Variants in PELI3 observed in about 807,000 individuals in gnomAD.
PELI3 encodes the protein pellino E3 ubiquitin protein ligase family member 3.
In PELI3, 19 loss-of-function variants were observed where a neutral mutation model predicts 35.5. The ratio of observed to expected loss-of-function variants is 0.54; its 90% CI spans 0.37 to 0.79. The LOEUF (loss-of-function observed/expected upper bound fraction) is 0.79. Among genes scored for constraint, PELI3 ranks in the 30% least tolerant of loss-of-function variants. The probability of loss-of-function intolerance (pLI) is 0.00; values close to 1 mark genes in which losing one functional copy is unlikely to be tolerated. For missense variants in PELI3, 490 were observed against 661.2 expected (o/e 0.74, Z 2.84); for synonymous variants, 262 against 279.2 (o/e 0.94, Z 0.62).
chr11:66,474,269 A>G, intron 7 of PELI3: 1 of 592,880 alleles, frequency 1.7e-6, no homozygotes, highest in South Asian at 2.1e-5. Context: ...CACTTGGCCC[A>G]TGTGTGAGCA....
In PELI3 at chr11:66,473,688, T is replaced by G; in HGVS notation, c.652-49T>G. On this transcript the variant is annotated intron_variant, in intron 6 of 7. Coordinates refer to ENST00000320740, the MANE Select transcript of PELI3 (RefSeq NM_145065.3). This position sits in a 1 kb window ranked among gnomAD's most constrained non-coding sequence, Gnocchi z 5.8. Reference sequence around the variant, plus strand: ...GGGGCAGTGCCTCTGGCACATGGCCTGCTGGGGGGCCCCTGGGGGATGTGA... The same window carrying G: ...GGGGCAGTGCCTCTGGCACATGGCCGGCTGGGGGGCCCCTGGGGGATGTGA... 1 of 1,601,166 alleles carries G rather than the reference T, an allele frequency of 6.2e-7. No homozygotes were observed. The highest frequency in any genetic ancestry group is 8.5e-7 in the Non-Finnish European group (1 of 1,176,394).
rs755204247 is a variant in PELI3, at chr11:66,468,275, C to T, written c.147C>T (p.Val49=). The change falls in exon 2 of 8, where the codon GTC becomes GTT. Residue 49 remains valine (V), a synonymous_variant. Coordinates refer to ENST00000320740, the MANE Select transcript of PELI3 (RefSeq NM_145065.3). ...CCATCAAGTATGGTGAACTCATCGT[C>T]CTGGGGTGAGCATCCCTGGCCTAGA... ...EEPIKYGELI[V]LGCCEEGGEE... is the part of the protein sequence containing the mutation. 3 of 1,509,492 alleles carry T rather than the reference C, an allele frequency of 2.0e-6. No homozygotes were observed. The highest frequency in any genetic ancestry group is 4.1e-5 in the Admixed American group (2 of 48,502). 93.5% of individuals were successfully genotyped at this position (1,509,492 alleles called of 1,614,324 possible). A position where few individuals can be genotyped will look rare whatever the true frequency, so the allele number is the denominator to read the frequency against.
intron 2 of PELI3, 136 bp from the exon 3 acceptor site, chr11:66,468,697 A>G (rs1854618037): frequency 1.7e-6 from 1 of 577,168 alleles, no homozygotes. Flanking sequence ...CCTTCCTCAG[A>G]GGGTTGTTGG....
intron 3 of PELI3, among the ~76,000 whole-genome samples, chr11:66,470,984 A>G (rs1223527093): frequency 2.0e-5 from 3 of 152,196 alleles, no homozygotes; most frequent in South Asian, 4.1e-4. Context: ...CCATCCAGGC[A>G]TGGCTCAAGT....
Position 66,476,168 on chromosome 11 carries a change from G to C in PELI3, c.*1G>C, listed in dbSNP as rs1854913610. 8 of 1,539,666 alleles carry C rather than the reference G, an allele frequency of 5.2e-6. No individual in the cohort carries two copies. Among genetic ancestry groups the C allele is most frequent in the Non-Finnish European group, 7.0e-6 (8 of 1,148,328 alleles). The stretch of plus-strand genomic sequence containing the variant: ...CATTTTCCAGGGCCCGCTGGATTAG[G>C]CTCCCTGGGGCCCCCTGCTGCTGTG... On this transcript the variant is annotated 3_prime_UTR_variant, in exon 8 of 8. Transcript: ENST00000320740.
intron 3 of PELI3, among the ~76,000 whole-genome samples, chr11:66,469,791 G>T (rs1355950481): frequency 1.4e-4 from 17 of 124,576 alleles, no homozygotes; most frequent in East Asian, 9.6e-4. Flanking sequence ...CAGGGAATCT[G>T]TTTTTTTTTT....
At position 66,468,827 on chromosome 11, in the gene PELI3, A is replaced by C. The variant is rs1352353431; in HGVS notation, c.153-6A>C. 1.3e-6 allele frequency: 1 copy of C among 779,990 alleles called. No homozygotes were observed. Among genetic ancestry groups the C allele is most frequent in the South Asian group, 1.3e-5 (1 of 74,526 alleles). The allele number at this position is 779,990 out of a possible 1,614,324, so 48.3% of individuals were successfully genotyped here. ...TGGACATTATTTCATTTCAATCTTC[A>C]CAAAGATGCTGTGAGGAAGGAGGTG... is the stretch of plus-strand genomic sequence containing the variant. On this transcript the variant is annotated splice_polypyrimidine_tract_variant and splice_region_variant and intron_variant, in intron 2 of 7. Transcript: ENST00000320740.
chr11:66,473,248 G>A lies in PELI3; in HGVS notation c.464G>A (p.Arg155His), dbSNP rs1161706622. ...DSDTDMFQIG[R>H]STENMIDFVV... ...CTCTCCCTGTCCTCACAGATTGGCC[G>A]CTCCACAGAGAACATGATTGACTTC... The change falls in exon 6 of 8, where the codon CGC (arginine) becomes CAC (histidine). Residue 155 changes from arginine (R) to histidine (H), a missense_variant. Transcript: ENST00000320740. This position sits in a 1 kb window ranked among gnomAD's most constrained non-coding sequence, Gnocchi z 5.8. 2.5e-6 allele frequency: 4 copies of A among 1,608,526 alleles called. No homozygotes were observed. Among genetic ancestry groups the A allele is most frequent in the Non-Finnish European group, 3.4e-6 (4 of 1,177,098 alleles).
Position 66,475,742 on chromosome 11 carries a change from C to T in PELI3, c.985C>T (p.Arg329Trp), listed in dbSNP as rs1406231473. 7.4e-6 allele frequency: 12 copies of T among 1,611,236 alleles called. No individual in the cohort carries two copies. The highest frequency in any genetic ancestry group is 2.7e-5 in the African/African-American group (2 of 74,914). ...CCAGCGGCAGGAGGCAAATGCAGCG[C>T]GGCCCCAGTGCCCCGTGGGCCTCAG... is the stretch of plus-strand genomic sequence containing the variant. Reference protein sequence around the residue: ...EAQRQEANAARPQCPVGLSTL... With the variant: ...EAQRQEANAAWPQCPVGLSTL... Residue 329 changes from arginine (R) to tryptophan (W), a missense_variant, in exon 8 of 8, where the codon CGG becomes TGG. Arg to Trp is a moderately radical substitution (Grantham distance 101, BLOSUM62 -3). Transcript: ENST00000320740.
In PELI3 at chr11:66,468,176, C is replaced by A. The variant is rs1469600861; in HGVS notation, c.48C>A (p.Asp16Glu). The change falls in exon 2 of 8, where the codon GAC becomes GAA. Residue 16 changes from aspartate to glutamate, a missense_variant. Asp to Glu is a conservative substitution (Grantham distance 45). Coordinates refer to ENST00000320740, the MANE Select transcript of PELI3 (RefSeq NM_145065.3). ...NPEVGSPRTS[D>E]LQHRGNKGSC... ...AAGTGGGGTCCCCCCGAACCTCAGACCTCCAGCACCGGGGGAACAAGGGCT... is the reference window on the plus strand; with the variant it reads ...AAGTGGGGTCCCCCCGAACCTCAGAACTCCAGCACCGGGGGAACAAGGGCT... The A allele has an allele frequency of 6.2e-7, 1 of 1,608,544 alleles. No homozygotes were observed. Among genetic ancestry groups the A allele is most frequent in the Non-Finnish European group, 8.5e-7 (1 of 1,177,108 alleles).
chr11:66,475,309 T>C (rs1854866766), intron 7 of PELI3, among the ~76,000 whole-genome samples: 1 of 152,256 alleles, frequency 6.6e-6, no homozygotes, highest in African/African-American at 2.4e-5. Context: ...TTCCTGCCTC[T>C]GTCAGGAGGA....
In PELI3 at chr11:66,468,186, C is replaced by T. The variant is rs772643556; in HGVS notation, c.58C>T (p.Arg20Trp). 4 of 1,607,710 alleles carry T rather than the reference C, an allele frequency of 2.5e-6. No homozygotes were observed. The highest frequency in any genetic ancestry group is 3.4e-6 in the Non-Finnish European group (4 of 1,176,640). The change falls in exon 2 of 8, where the codon CGG becomes TGG. Residue 20 changes from arginine to tryptophan, a missense_variant. Coordinates refer to ENST00000320740, the MANE Select transcript of PELI3 (RefSeq NM_145065.3). Reference protein sequence around the residue: ...GSPRTSDLQHRGNKGSCVLSS... With the variant: ...GSPRTSDLQHWGNKGSCVLSS... ...CCCCCGAACCTCAGACCTCCAGCAC[C>T]GGGGGAACAAGGGCTCTTGCGTTCT...
At chr11:66,471,053 C>A (rs945059285) in intron 3 of PELI3, among the ~76,000 whole-genome samples, 189 bp from the exon 4 acceptor site, 2 of 152,208 alleles carry the variant, frequency 1.3e-5, no homozygotes, top group Non-Finnish European at 2.9e-5. Context: ...CTGACACCCC[C>A]CTCCCACTCC....
chr11:66,473,445 C>T lies in PELI3; in HGVS notation c.651+10C>T. The T allele has an allele frequency of 6.2e-7, 1 of 1,601,108 alleles. No individual in the cohort carries two copies. The highest frequency in any genetic ancestry group is 8.5e-7 in the Non-Finnish European group (1 of 1,171,648). ...CAACATCTTCCTTGGAGTGAGTGAG[C>T]CCCAGGAAGGGACCAACTCTTCATC... On this transcript the variant is annotated intron_variant, in intron 6 of 7. Coordinates refer to ENST00000320740, the MANE Select transcript of PELI3 (RefSeq NM_145065.3). The surrounding 1 kb of genome is among the most constrained non-coding windows in gnomAD (Gnocchi z 5.8).
chr11:66,474,484 C>T (rs1002564110), intron 7 of PELI3: 3 of 208,312 alleles, frequency 1.4e-5, no homozygotes, highest in African/African-American at 7.1e-5. Context: ...TCCAAGGTCA[C>T]ATGGCCGTGC....
rs866625995 is a variant in PELI3, at chr11:66,477,333, C to T, written c.*1166C>T. 1 of 152,156 alleles carries T rather than the reference C, an allele frequency of 6.6e-6. No individual in the cohort carries two copies. The highest frequency in any genetic ancestry group is 2.4e-5 in the African/African-American group (1 of 41,428). 9.4% of individuals were successfully genotyped at this position (152,156 alleles called of 1,614,324 possible). On this transcript the variant is annotated 3_prime_UTR_variant, in exon 8 of 8. Transcript: ENST00000320740. ...AATAACTACGTCCATTGAGCACTCT[C>T]CAGACACCGGGCTCTGCTTCTTGGA...
Position 66,473,861 on chromosome 11 carries a change from T to G in PELI3, c.776T>G (p.Ile259Ser). Residue 259 changes from isoleucine (I) to serine (S), a missense_variant, in exon 7 of 8, where the codon ATC becomes AGC. By Grantham distance (142) the Ile-to-Ser change is moderately radical (BLOSUM62 -2). This residue lies in a region of PELI3 where 349 missense variants were observed against 484.8 expected (regional missense o/e 0.72). Transcript: ENST00000320740. This position sits in a 1 kb window ranked among gnomAD's most constrained non-coding sequence, Gnocchi z 5.8. ...EDSAPGVWRE[I>S]SVCGNVYTLR... ...TCAGCCCCGGGTGTCTGGCGGGAGA[T>G]CTCGGTCTGTGGGAATGTGTACACA... is the stretch of plus-strand genomic sequence containing the variant. 2 of 1,613,714 alleles carry G rather than the reference T, an allele frequency of 1.2e-6. No individual in the cohort carries two copies. The highest frequency in any genetic ancestry group is 1.7e-6 in the Non-Finnish European group (2 of 1,179,980).
chr11:66,470,623 C>A lies in PELI3; in HGVS notation c.225-619C>A, dbSNP rs151212489. 4.8e-3 allele frequency among the ~76,000 whole-genome samples: 729 copies of A among 152,300 alleles called. 8 individuals are homozygous for A. Among genetic ancestry groups the A allele is most frequent in the African/African-American group, 0.017 (698 of 41,552 alleles). On this transcript the variant is annotated intron_variant, in intron 3 of 7. Coordinates refer to ENST00000320740, the MANE Select transcript of PELI3 (RefSeq NM_145065.3). The stretch of plus-strand genomic sequence containing the variant: ...GCCTCTCACAGCCATGCCCTCCAGA[C>A]AAGAGCTGGAAAGGCAGGTGGAAAT...
chr11:66,469,393 C>T (rs534217997), intron 3 of PELI3, among the ~76,000 whole-genome samples: 34 of 152,272 alleles, frequency 2.2e-4, no homozygotes, highest in Non-Finnish European at 3.7e-4. Flanking sequence ...AAATTAGCTC[C>T]ATTTTACAGA....
Sources: gnomAD v4.1 joint callset for allele counts (sites outside exome capture counted in the v4.1 genomes callset) on GRCh38, gnomAD v4.1.1 for gene constraint, gnomAD v4.1.1 regional missense constraint, Gnocchi (gnomAD v3.1) non-coding constraint, MANE v1.5 for transcripts, NCBI Gene and HGNC (gene_info 2026-07-23, HGNC 2026-07-21) for gene names.